Variants in PRKG1 observed in about 807,000 individuals in gnomAD.
The protein encoded by PRKG1 is cGMP-dependent protein kinase 1.
Under a neutral mutation model 88.1 loss-of-function variants are expected in PRKG1, and 35 were observed. The observed-to-expected ratio is 0.40, with a 90% CI of 0.30 to 0.53. The LOEUF (loss-of-function observed/expected upper bound fraction) is 0.53, where lower values mean the gene tolerates loss of function less well. Ranked by LOEUF, PRKG1 falls within the 20% of genes least tolerant of loss-of-function variation. PRKG1 has a pLI of 0.59. For missense variants in PRKG1, 540 were observed against 839.8 expected (o/e 0.64, Z 4.41); for synonymous variants, 303 against 292.5 (o/e 1.04, Z -0.37).
chr10:52,142,423 T>A (rs1010859278), intron 8 of PRKG1, among the ~76,000 whole-genome samples: 1 of 152,170 alleles, frequency 6.6e-6, no homozygotes, highest in African/African-American at 2.4e-5. Flanking sequence ...TGAAAATGAA[T>A]AAATCGTATG....
intron 3 of PRKG1, among the ~76,000 whole-genome samples, chr10:51,648,369 C>T (rs1839963685): frequency 6.6e-6 from 1 of 152,080 alleles, no homozygotes; most frequent in African/African-American, 2.4e-5. Flanking sequence ...TTAATTTAAG[C>T]TGTGGTGCTG....
In PRKG1 at chr10:51,633,913, A is replaced by G. The variant is rs569832854; in HGVS notation, c.592+166077A>G. Among the ~76,000 whole-genome samples the G allele has an allele frequency of 2.0e-5, 3 of 152,294 alleles. No homozygotes were observed. The South Asian group carries it at 6.2e-4, about 32-fold the overall frequency. ...AGATTTTCTAACAAGAACAGATGGAACATTTTCTTTGCTAACCAGGGTAAT... is the reference window on the plus strand; with the variant it reads ...AGATTTTCTAACAAGAACAGATGGAGCATTTTCTTTGCTAACCAGGGTAAT... On this transcript the variant is annotated intron_variant, in intron 3 of 17. Coordinates refer to ENST00000373980, the MANE Select transcript of PRKG1 (RefSeq NM_006258.4).
rs546002202 is a variant in PRKG1, at chr10:52,272,812, A to G, written c.1403+331A>G. On this transcript the variant is annotated intron_variant, in intron 12 of 17. Transcript: ENST00000373980. ...TCATTGCTTTAGCAGAAAGAGAATT[A>G]TAGTTATTTTATAATTATAATTTGA... Among the ~76,000 whole-genome samples, 5 of 152,254 alleles carry G rather than the reference A, an allele frequency of 3.3e-5. No homozygotes were observed. The East Asian group carries it at 9.7e-4, about 29-fold the overall frequency.
chr10:51,511,817 C>T (rs61849796), intron 3 of PRKG1, among the ~76,000 whole-genome samples: 6,984 of 152,132 alleles, frequency 0.046, 260 homozygotes, highest in Middle Eastern at 0.1. Flanking sequence ...TAGGTAGCAA[C>T]GATCATAGTC....
At chr10:51,213,025 T>C (rs535304352) in intron 2 of PRKG1, among the ~76,000 whole-genome samples, 2 of 152,294 alleles carry the variant, frequency 1.3e-5, no homozygotes, top group South Asian at 2.1e-4. Flanking sequence ...CGTATGTTTA[T>C]TGCGGCACTA....
At chr10:52,251,082 G>A (rs995044995) in intron 9 of PRKG1, among the ~76,000 whole-genome samples, 4 of 152,080 alleles carry the variant, frequency 2.6e-5, no homozygotes, top group Admixed American at 6.6e-5. Context: ...TTTCGCTCCA[G>A]AGACCTCCGT....
At chr10:51,225,763 A>G (rs1018787423) in intron 2 of PRKG1, among the ~76,000 whole-genome samples, 2 of 152,190 alleles carry the variant, frequency 1.3e-5, no homozygotes, top group Admixed American at 6.6e-5. Flanking sequence ...TCATTAAAAA[A>G]ATACTGATTT....
intron 3 of PRKG1, among the ~76,000 whole-genome samples, chr10:51,657,224 T>C (rs1218762892): frequency 6.6e-6 from 1 of 152,154 alleles, no homozygotes; most frequent in Non-Finnish European, 1.5e-5. Flanking sequence ...CATGTCCAAA[T>C]TCTACCTATC....
chr10:51,301,150 C>T (rs1029699754), intron 2 of PRKG1, among the ~76,000 whole-genome samples: 4 of 152,116 alleles, frequency 2.6e-5, no homozygotes, highest in East Asian at 1.9e-4. Context: ...AGAAACTGGC[C>T]GTCCAAAATC....
At chr10:51,017,444 A>G (rs1843081813) in intron 1 of PRKG1, among the ~76,000 whole-genome samples, 1 of 152,214 alleles carries the variant, frequency 6.6e-6, no homozygotes, top group African/African-American at 2.4e-5. Context: ...AAAGTTAAAT[A>G]ATTAAAACCT....
At chr10:51,262,764 G>A (rs1474273230) in intron 2 of PRKG1, among the ~76,000 whole-genome samples, 1 of 151,882 alleles carries the variant, frequency 6.6e-6, no homozygotes, top group African/African-American at 2.4e-5. Context: ...CAACAGAAAA[G>A]AGAGAGAGAG....
At chr10:51,125,892 T>C (rs1209675668) in intron 1 of PRKG1, among the ~76,000 whole-genome samples, 1 of 137,130 alleles carries the variant, frequency 7.3e-6, no homozygotes, top group Non-Finnish European at 1.5e-5. Flanking sequence ...ATATGATTTA[T>C]AATTATAAAA....
intron 2 of PRKG1, among the ~76,000 whole-genome samples, chr10:51,339,374 G>C (rs962686393): frequency 6.6e-6 from 1 of 151,940 alleles, no homozygotes; most frequent in African/African-American, 2.4e-5. Flanking sequence ...TTTAGAGAAA[G>C]GAAGGAGATA....
At chr10:52,040,543 T>A (rs1845729860) in intron 5 of PRKG1, among the ~76,000 whole-genome samples, 1 of 152,194 alleles carries the variant, frequency 6.6e-6, no homozygotes, top group South Asian at 2.1e-4. Context: ...AGATTTTTGG[T>A]GTTTTGTGGG....
intron 5 of PRKG1, among the ~76,000 whole-genome samples, chr10:51,977,962 C>T (rs1048183233): frequency 6.6e-5 from 10 of 152,020 alleles, no homozygotes; most frequent in African/African-American, 2.4e-4. Flanking sequence ...TTTGCAGAAA[C>T]TCTTTAGTTT....
intron 2 of PRKG1, among the ~76,000 whole-genome samples, chr10:51,262,937 A>C (rs1454845341): frequency 6.6e-6 from 1 of 152,170 alleles, no homozygotes; most frequent in Admixed American, 6.5e-5. Flanking sequence ...TTGGATGGGG[A>C]CACAGAACTA....
chr10:52,209,893 T>G (rs566936110), intron 9 of PRKG1, among the ~76,000 whole-genome samples: 98 of 152,254 alleles, frequency 6.4e-4, no homozygotes, highest in Non-Finnish European at 1.3e-3. Context: ...GACCCTCTCC[T>G]CAGCAACAAT....
chr10:51,668,537 T>C (rs1049237514), intron 3 of PRKG1, among the ~76,000 whole-genome samples: 2 of 152,122 alleles, frequency 1.3e-5, no homozygotes, highest in Non-Finnish European at 2.9e-5. Flanking sequence ...TGGCTAGCCC[T>C]TTTTTTCCAA....
intron 4 of PRKG1, among the ~76,000 whole-genome samples, chr10:51,881,901 G>A (rs1841448024): frequency 1.3e-5 from 2 of 152,124 alleles, no homozygotes; most frequent in African/African-American, 4.8e-5. Flanking sequence ...TAAGTGGCAA[G>A]ACCAGGCACC....
Sources: gnomAD v4.1 joint callset for allele counts (sites outside exome capture counted in the v4.1 genomes callset) on GRCh38, gnomAD v4.1.1 for gene constraint, MANE v1.5 for transcripts, NCBI Gene and HGNC (gene_info 2026-07-23, HGNC 2026-07-21) for gene names.